The following ANO3 variants were observed in gnomAD, a reference collection of about 807,000 sequenced individuals.
ANO3 encodes anoctamin-3.
ANO3 carries 99 observed loss-of-function variants against 144.8 expected under a neutral mutation model. That is an observed-to-expected ratio of 0.68 (90% confidence interval 0.58 to 0.81). The LOEUF is 0.81. Among genes scored for constraint, ANO3 ranks in the 30% least tolerant of loss-of-function variants. The pLI, the probability that ANO3 is intolerant of heterozygous loss-of-function variation, is 0.00. For missense variants in ANO3, 905 were observed against 1,202.2 expected, an observed-to-expected ratio of 0.75 and a Z score of 3.66; for synonymous variants, 414 against 392.6, an observed-to-expected ratio of 1.05 and a Z score of -0.64.
chr11:26,478,182 CA>C (rs1860060320), intron 4 of ANO3, among the ~76,000 whole-genome samples: 1 of 152,106 alleles, frequency 6.6e-6, no homozygotes, highest in South Asian at 2.1e-4. Context: ...TTCCCTGGGC[CA>C]GCAGATCTAT....
intron 1 of ANO3, among the ~76,000 whole-genome samples, chr11:26,356,155 C>T (rs1249272699): frequency 2.0e-5 from 3 of 151,538 alleles, no homozygotes; most frequent in Non-Finnish European, 4.4e-5. Flanking sequence ...CTATATATTC[C>T]AAATGAAATA....
intron 14 of ANO3, among the ~76,000 whole-genome samples, chr11:26,597,980 G>A (rs963734019): frequency 2.0e-5 from 3 of 152,152 alleles, no homozygotes; most frequent in African/African-American, 7.2e-5. Context: ...TGTAAGCTCT[G>A]GACGAGTAGC....
intron 1 of ANO3, among the ~76,000 whole-genome samples, chr11:26,243,960 A>G (rs1852723050): frequency 6.6e-6 from 1 of 152,028 alleles, no homozygotes; most frequent in African/African-American, 2.4e-5. Flanking sequence ...TGTACTAAAA[A>G]TACAAAAATT....
chr11:26,642,133 C>A, intron 22 of ANO3, 104 bp downstream of exon 22: 1 of 1,315,976 alleles, frequency 7.6e-7, no homozygotes, highest in Non-Finnish European at 1.0e-6. Flanking sequence ...TCCTTTCCAA[C>A]CCCAAGCATT....
intron 4 of ANO3, among the ~76,000 whole-genome samples, chr11:26,492,744 A>T (rs1337123931): frequency 1.3e-5 from 2 of 152,224 alleles, no homozygotes; most frequent in Non-Finnish European, 2.9e-5. Flanking sequence ...GTAAAAGGAC[A>T]GAAGAACACA....
intron 1 of ANO3, among the ~76,000 whole-genome samples, chr11:26,244,957 G>T (rs1211986421): frequency 6.7e-6 from 1 of 148,766 alleles, no homozygotes; most frequent in Admixed American, 6.8e-5. Context: ...TAATATAGAA[G>T]AGTCTTCTGG....
intron 4 of ANO3, among the ~76,000 whole-genome samples, chr11:26,485,007 AT>A (rs1214901072): frequency 6.6e-6 from 1 of 152,096 alleles, no homozygotes; most frequent in African/African-American, 2.4e-5. Flanking sequence ...CTGTATCCCC[AT>A]TTTATATTGG....
At position 26,531,060 on chromosome 11, in the gene ANO3, G is replaced by A. The variant is rs868267826; in HGVS notation, c.738-145G>A. 1.0e-5 allele frequency: 8 copies of A among 773,502 alleles called. No individual in the cohort carries two copies. The Middle Eastern group carries it at 1.1e-3, about 102-fold the overall frequency. The allele number at this position is 773,502 out of a possible 1,614,324, so 47.9% of individuals were successfully genotyped here. A position where few individuals can be genotyped will look rare whatever the true frequency, so the allele number is the denominator to read the frequency against. ...TTTCTTCTTTTGTGTGGGAACAGAAGCAATGCACGTGTATGTGTGGTGTGT... is the reference window on the plus strand; with the variant it reads ...TTTCTTCTTTTGTGTGGGAACAGAAACAATGCACGTGTATGTGTGGTGTGT... On this transcript the variant is annotated intron_variant, in intron 7 of 26. Transcript: ENST00000256737.
Position 26,272,820 on chromosome 11 carries a change from G to T in ANO3, c.155-36825G>T, listed in dbSNP as rs191868045. Among the ~76,000 whole-genome samples, 734 of 152,208 alleles carry T rather than the reference G, an allele frequency of 4.8e-3. 4 individuals carry two copies. The highest frequency in any genetic ancestry group is 8.0e-3 in the Non-Finnish European group (545 of 68,008). ...AATAAGGAAGATAAACAAATACCAGGTTATAAAGCAGCAAAGGATAGGGTA... is the reference window on the plus strand; with the variant it reads ...AATAAGGAAGATAAACAAATACCAGTTTATAAAGCAGCAAAGGATAGGGTA... On this transcript the variant is annotated intron_variant, in intron 1 of 27. Transcript: ENST00000672621.
At chr11:26,571,125 T>G (rs574330004) in intron 14 of ANO3, among the ~76,000 whole-genome samples, 41 of 152,156 alleles carry the variant, frequency 2.7e-4, no homozygotes, top group African/African-American at 9.1e-4. Context: ...CCTTGGGAGT[T>G]TTCAGTCATA....
intron 19 of ANO3, 47 bp from the exon 20 acceptor site, chr11:26,634,966 C>A (rs762717363): frequency 6.7e-7 from 1 of 1,497,718 alleles, no homozygotes; most frequent in South Asian, 1.1e-5. Context: ...AGATGTTCTT[C>A]AGTGAACCCC....
At chr11:26,210,062 T>C (rs1370875969) in intron 1 of ANO3, among the ~76,000 whole-genome samples, 1 of 152,178 alleles carries the variant, frequency 6.6e-6, no homozygotes, top group Non-Finnish European at 1.5e-5. Context: ...TCTTTGCCCA[T>C]GCCTATGTCC....
At chr11:26,566,664 A>C (rs1264224014) in intron 14 of ANO3, among the ~76,000 whole-genome samples, 1 of 151,876 alleles carries the variant, frequency 6.6e-6, no homozygotes, top group Non-Finnish European at 1.5e-5. Context: ...GTGGGAAAAT[A>C]AGCTAGATAA....
At chr11:26,632,506 A>G (rs970037690) in intron 18 of ANO3, among the ~76,000 whole-genome samples, 3 of 147,860 alleles carry the variant, frequency 2.0e-5, no homozygotes, top group Non-Finnish European at 3.0e-5. Context: ...ACAGAGTGAG[A>G]CTCCATCTCA....
At chr11:26,215,489 T>C (rs1242237878) in intron 1 of ANO3, among the ~76,000 whole-genome samples, 2 of 151,998 alleles carry the variant, frequency 1.3e-5, no homozygotes, top group Admixed American at 1.3e-4. Flanking sequence ...TCCTTACTTT[T>C]GGTTAAAACA....
chr11:26,280,502 G>A (rs2133843885), intron 1 of ANO3, among the ~76,000 whole-genome samples: 1 of 152,208 alleles, frequency 6.6e-6, no homozygotes, highest in South Asian at 2.1e-4. Flanking sequence ...CTAGCACAGG[G>A]GAAACATGTA....
intron 4 of ANO3, among the ~76,000 whole-genome samples, chr11:26,496,703 G>A (rs564572393): frequency 1.0e-3 from 157 of 152,002 alleles, no homozygotes; most frequent in Non-Finnish European, 1.8e-3. Context: ...AGCCTCAAAT[G>A]TCTATTATTC....
chr11:26,312,791 G>T (rs1231876197), intron 1 of ANO3, among the ~76,000 whole-genome samples: 2 of 152,176 alleles, frequency 1.3e-5, no homozygotes, highest in African/African-American at 4.8e-5. Context: ...TCTGTAGTTT[G>T]CCTGTTCACT....
Position 26,643,348 on chromosome 11 carries a change from GTTAAATGA to G in ANO3, c.2428+17_2428+24del, listed in dbSNP as rs767440434. On this transcript the variant is annotated intron_variant, in intron 23 of 26. Coordinates refer to ENST00000256737, the MANE Select transcript of ANO3 (RefSeq NM_031418.4). ...CAACTGACATAGGTAAGATTCGGAA[GTTAAATGA>G]TTTTTACGTTGCTAACACCAATAGG... The G allele has an allele frequency of 6.2e-7, 1 of 1,613,328 alleles. No individual in the cohort carries two copies.
Sources: gnomAD v4.1 joint callset for allele counts (sites outside exome capture counted in the v4.1 genomes callset) on GRCh38, gnomAD v4.1.1 for gene constraint, MANE v1.5 for transcripts, NCBI Gene and HGNC (gene_info 2026-07-23, HGNC 2026-07-21) for gene names.